RBFOX1: variants seen among roughly 807,000 people sequenced by gnomAD.
RBFOX1 encodes the protein RNA binding fox-1 homolog 1.
Under a neutral mutation model 57.7 loss-of-function variants are expected in RBFOX1, and 8 were observed. The observed-to-expected ratio is 0.14, with a 90% CI of 0.08 to 0.25. The LOEUF (loss-of-function observed/expected upper bound fraction) is 0.25, where lower values mean the gene tolerates loss of function less well. Ranked by LOEUF, RBFOX1 falls within the 10% of genes least tolerant of loss-of-function variation. The pLI, the probability that RBFOX1 is intolerant of heterozygous loss-of-function variation, is 1.00. For missense variants in RBFOX1, 611 were observed against 548.5 expected (o/e 1.11, Z -1.14); for synonymous variants, 326 against 222.4 (o/e 1.47, Z -4.15).
At chr16:5,262,760 G>C (rs1183265257) in intron 1 of RBFOX1, among the ~76,000 whole-genome samples, 1 of 152,210 alleles carries the variant, frequency 6.6e-6, no homozygotes, top group African/African-American at 2.4e-5. Flanking sequence ...GGAAGACTGG[G>C]GTGCTGATGG....
At chr16:5,745,327 T>G (rs1259751140) in intron 3 of RBFOX1, among the ~76,000 whole-genome samples, 1 of 152,242 alleles carries the variant, frequency 6.6e-6, no homozygotes, top group African/African-American at 2.4e-5. Flanking sequence ...CACAATTTCT[T>G]AATCCGGTCT....
rs2073332199 is a variant in RBFOX1 at position 7,506,463 on chromosome 16, G to A, written c.28-11684G>A. Among the ~76,000 whole-genome samples the A allele has an allele frequency of 2.6e-5, 4 of 152,204 alleles. No homozygotes were observed. The South Asian group carries it at 8.3e-4, about 32-fold the overall frequency. On this transcript the variant is annotated intron_variant, in intron 4 of 15. Transcript: ENST00000550418. ...GTAATGTAGGCAAAGCTACTTTATT[G>A]AATTTTGTATGCTTGGTGCTTAGAA...
intron 3 of RBFOX1, among the ~76,000 whole-genome samples, chr16:5,677,779 G>T (rs1170334731): frequency 6.6e-6 from 1 of 152,068 alleles, no homozygotes; most frequent in Non-Finnish European, 1.5e-5. Flanking sequence ...GGAGGAAATT[G>T]CATGTGGAAA....
chr16:6,212,728 C>A (rs201467736), intron 1 of RBFOX1, among the ~76,000 whole-genome samples: 23 of 145,428 alleles, frequency 1.6e-4, no homozygotes, highest in African/African-American at 2.5e-4. Context: ...AACAAACAAA[C>A]AAAAAAAAAA....
chr16:5,513,287 C>T (rs906239629), intron 2 of RBFOX1, among the ~76,000 whole-genome samples: 6 of 152,106 alleles, frequency 3.9e-5, no homozygotes, highest in Non-Finnish European at 8.8e-5. Context: ...GAATATACAT[C>T]CAGTGGTATC....
intron 1 of RBFOX1, among the ~76,000 whole-genome samples, chr16:6,303,694 G>A (rs1190845140): frequency 6.6e-6 from 1 of 152,008 alleles, no homozygotes; most frequent in East Asian, 1.9e-4. Flanking sequence ...ATGATTAATG[G>A]GCTGGGCACA....
intron 2 of RBFOX1, among the ~76,000 whole-genome samples, chr16:6,653,594 T>C (rs1039176979): frequency 6.6e-6 from 1 of 152,098 alleles, no homozygotes; most frequent in Non-Finnish European, 1.5e-5. Flanking sequence ...TAAATATGAA[T>C]GAGTGGATGA....
chr16:6,802,946 G>C (rs954822892), intron 3 of RBFOX1, among the ~76,000 whole-genome samples: 14 of 152,194 alleles, frequency 9.2e-5, no homozygotes, highest in Non-Finnish European at 1.6e-4. Flanking sequence ...GAAGAGGGAA[G>C]ATGGCTTCTT....
chr16:6,952,153 C>T (rs540481801), intron 3 of RBFOX1, among the ~76,000 whole-genome samples: 105 of 152,240 alleles, frequency 6.9e-4, no homozygotes, highest in African/African-American at 2.3e-3. Context: ...AGCACATAGT[C>T]GTTGTGAAGG....
chr16:6,037,938 G>C (rs2095388013), intron 1 of RBFOX1: 1 of 152,000 alleles, frequency 6.6e-6, no homozygotes, highest in Admixed American at 6.6e-5. Context: ...GAAAAGACTT[G>C]CAGTTTTGGT....
At chr16:5,964,790 C>G (rs1342076321) in intron 4 of RBFOX1, among the ~76,000 whole-genome samples, 1 of 151,768 alleles carries the variant, frequency 6.6e-6, no homozygotes, top group Non-Finnish European at 1.5e-5. Context: ...TATACACACA[C>G]ACATTGGTGC....
intron 5 of RBFOX1, among the ~76,000 whole-genome samples, chr16:7,519,457 T>C (rs2077064061): frequency 6.6e-6 from 1 of 152,182 alleles, no homozygotes; most frequent in African/African-American, 2.4e-5. Flanking sequence ...AATGATGAAA[T>C]GGATTAGAAA....
At chr16:6,945,337 G>C (rs190452120) in intron 3 of RBFOX1, among the ~76,000 whole-genome samples, 2 of 152,260 alleles carry the variant, frequency 1.3e-5, no homozygotes, top group South Asian at 2.1e-4. Flanking sequence ...CCTAGGGCCA[G>C]ACAGTTAATG....
At chr16:7,398,262 C>G (rs760037217) in intron 4 of RBFOX1, among the ~76,000 whole-genome samples, 21 of 152,126 alleles carry the variant, frequency 1.4e-4, no homozygotes, top group Non-Finnish European at 8.8e-5. Context: ...AGGGTTGAAT[C>G]TTATGTTTTT....
At chr16:5,544,437 T>C (rs933033167) in intron 2 of RBFOX1, among the ~76,000 whole-genome samples, 1 of 152,086 alleles carries the variant, frequency 6.6e-6, no homozygotes, top group Non-Finnish European at 1.5e-5. Context: ...GAAATGTATA[T>C]AGCAGTCATT....
chr16:6,040,290 T>C (rs61087646), intron 1 of RBFOX1, among the ~76,000 whole-genome samples: 10,201 of 152,260 alleles, frequency 0.067, 1,073 homozygotes, highest in African/African-American at 0.22. Context: ...CAAGCAACAC[T>C]ATCACCCGTC....
At chr16:7,331,908 A>C (rs965407552) in intron 4 of RBFOX1, among the ~76,000 whole-genome samples, 1 of 152,126 alleles carries the variant, frequency 6.6e-6, no homozygotes, top group Non-Finnish European at 1.5e-5. Flanking sequence ...ATTTTCAAAC[A>C]CCAGAAAGAT....
intron 1 of RBFOX1, among the ~76,000 whole-genome samples, chr16:6,121,506 G>A (rs1170018418): frequency 6.6e-6 from 1 of 152,164 alleles, no homozygotes; most frequent in African/African-American, 2.4e-5. Flanking sequence ...TAGCCTCCAG[G>A]AATGATCCAG....
chr16:7,701,974 C>T (rs1439878336), intron 14 of RBFOX1, among the ~76,000 whole-genome samples: 2 of 152,182 alleles, frequency 1.3e-5, no homozygotes, highest in Admixed American at 1.3e-4. Context: ...TCAAATCTTT[C>T]TGTAGGGCAG....
Sources: allele counts gnomAD v4.1 joint callset (sites outside exome capture counted in the v4.1 genomes callset), GRCh38; gene constraint gnomAD v4.1.1; transcripts MANE v1.5; gene names NCBI Gene and HGNC (gene_info 2026-07-23, HGNC 2026-07-21).